Variants in DOCK2 observed in about 807,000 individuals in gnomAD.
DOCK2 encodes dedicator of cytokinesis 2.
DOCK2 carries 87 observed loss-of-function variants against 248.9 expected under a neutral mutation model. The observed-to-expected ratio is 0.35, with a 90% confidence interval of 0.29 to 0.42. The LOEUF (loss-of-function observed/expected upper bound fraction) is 0.42, where lower values mean the gene tolerates loss of function less well. DOCK2 is among the 10% of genes least tolerant of loss of function. The pLI, the probability that DOCK2 is intolerant of heterozygous loss-of-function variation, is 1.00. For missense variants in DOCK2, 1,747 were observed against 2,300.2 expected (o/e 0.76, Z 4.92); for synonymous variants, 805 against 821.6 (o/e 0.98, Z 0.35).
chr5:169,757,279 G>C (rs1421245216), intron 23 of DOCK2, among the ~76,000 whole-genome samples: 1 of 152,010 alleles, frequency 6.6e-6, no homozygotes, highest in South Asian at 2.1e-4. Flanking sequence ...TGACCAACTA[G>C]GTTGGAATGT....
At chr5:169,666,411 G>A (rs1224289803) in intron 2 of DOCK2, among the ~76,000 whole-genome samples, 2 of 152,110 alleles carry the variant, frequency 1.3e-5, no homozygotes, top group South Asian at 2.1e-4. Flanking sequence ...TCATGAAAAC[G>A]GTTAGCAAAA....
intron 41 of DOCK2, among the ~76,000 whole-genome samples, chr5:170,054,723 CAG>C (rs1757054046): frequency 6.6e-6 from 1 of 152,180 alleles, no homozygotes; most frequent in South Asian, 2.1e-4. Flanking sequence ...TCAGATAGTC[CAG>C]AGTCTCCACT....
At chr5:169,951,894 C>T (rs1177245811) in intron 27 of DOCK2, among the ~76,000 whole-genome samples, 1 of 152,178 alleles carries the variant, frequency 6.6e-6, no homozygotes, top group African/African-American at 2.4e-5. Context: ...GACACCAGAA[C>T]CAGAGCCCCA....
At chr5:169,900,610 G>A (rs1773870094) in intron 27 of DOCK2, among the ~76,000 whole-genome samples, 1 of 152,174 alleles carries the variant, frequency 6.6e-6, no homozygotes, top group South Asian at 2.1e-4. Context: ...AATATTAAGA[G>A]TATTGACTCC....
chr5:170,034,501 T>C lies in DOCK2; in HGVS notation c.3570T>C (p.Gly1190=), dbSNP rs1253833419. Residue 1190 remains glycine, a synonymous_variant, in exon 35 of 52, where the codon GGT becomes GGC. Transcript: ENST00000520908. ...GLLEKLLDYR[G]VMTDESKDNR... ...TGGAGAAGCTGCTGGATTACCGGGG[T>C]GTGATGACAGATGAGAGCAAAGACA... The C allele has an allele frequency of 6.2e-7, 1 of 1,614,008 alleles. No individual in the cohort carries two copies. The highest frequency in any genetic ancestry group is 8.5e-7 in the Non-Finnish European group (1 of 1,179,980).
chr5:169,926,746 G>A lies in DOCK2; in HGVS notation c.2800-56322G>A, dbSNP rs141622911. On this transcript the variant is annotated intron_variant, in intron 27 of 51. Coordinates refer to ENST00000520908, the MANE Select transcript of DOCK2 (RefSeq NM_004946.3). Reference sequence around the variant, plus strand: ...AAGGCTTGTGACTCTGTAACTAGAGGTGAAGTTTGGCTGGATGCATTCATT... The same window carrying A: ...AAGGCTTGTGACTCTGTAACTAGAGATGAAGTTTGGCTGGATGCATTCATT... 1.9e-3 allele frequency among the ~76,000 whole-genome samples: 294 copies of A among 152,324 alleles called. 2 individuals are homozygous for A. The highest frequency in any genetic ancestry group is 6.9e-3 in the African/African-American group (287 of 41,562).
chr5:169,748,521 T>C (rs1024879339), intron 23 of DOCK2, among the ~76,000 whole-genome samples: 3 of 152,202 alleles, frequency 2.0e-5, no homozygotes, highest in Non-Finnish European at 4.4e-5. Context: ...GATGGCTTCC[T>C]TTAATTTAAC....
intron 22 of DOCK2, among the ~76,000 whole-genome samples, chr5:169,741,987 A>T (rs556315466): frequency 2.6e-4 from 40 of 151,236 alleles, no homozygotes; most frequent in African/African-American, 6.8e-4. Flanking sequence ...TTTTTTAAAT[A>T]TTTTTTTTAT....
At chr5:169,720,958 G>A (rs1411370766) in intron 22 of DOCK2, among the ~76,000 whole-genome samples, 11 of 152,172 alleles carry the variant, frequency 7.2e-5, no homozygotes, top group African/African-American at 2.7e-4. Context: ...TCCTGATCTC[G>A]TGATCTGCCC....
At position 169,918,806 on chromosome 5, in the gene DOCK2, G is replaced by A. The variant is rs186072863; in HGVS notation, c.2800-64262G>A. On this transcript the variant is annotated intron_variant, in intron 27 of 51. Transcript: ENST00000520908. ...CAGGTACCAGTAATCCCAGCTACTCGGGAGGCTGAGGCAGGAGGATTGCTT... is the reference window on the plus strand; with the variant it reads ...CAGGTACCAGTAATCCCAGCTACTCAGGAGGCTGAGGCAGGAGGATTGCTT... Among the ~76,000 whole-genome samples, 310 of 152,232 alleles carry A rather than the reference G, an allele frequency of 2.0e-3. 1 individual carries two copies. The highest frequency in any genetic ancestry group is 7.0e-3 in the African/African-American group (292 of 41,534).
intron 9 of DOCK2, among the ~76,000 whole-genome samples, chr5:169,691,370 CA>C (rs1760289257): frequency 2.0e-5 from 3 of 152,106 alleles, no homozygotes; most frequent in Admixed American, 6.5e-5. Context: ...CAGACCATAT[CA>C]GGGGGCAAGG....
At chr5:169,751,533 G>T (rs538513398) in intron 23 of DOCK2, among the ~76,000 whole-genome samples, 1 of 152,138 alleles carries the variant, frequency 6.6e-6, no homozygotes, top group East Asian at 1.9e-4. Flanking sequence ...GCTGGGTAGC[G>T]GCTTATGTTG....
At chr5:169,877,064 G>A (rs1362434275) in intron 27 of DOCK2, among the ~76,000 whole-genome samples, 2 of 152,180 alleles carry the variant, frequency 1.3e-5, no homozygotes, top group Non-Finnish European at 2.9e-5. Context: ...TGGATTGTGA[G>A]GTTGTCCAGA....
intron 22 of DOCK2, among the ~76,000 whole-genome samples, chr5:169,741,954 C>G (rs1323571058): frequency 6.6e-6 from 1 of 151,902 alleles, no homozygotes; most frequent in African/African-American, 2.4e-5. Flanking sequence ...AGACTACAGG[C>G]GCCCACCACC....
At chr5:169,938,568 C>T (rs1776093979) in intron 27 of DOCK2, among the ~76,000 whole-genome samples, 1 of 152,186 alleles carries the variant, frequency 6.6e-6, no homozygotes, top group South Asian at 2.1e-4. Context: ...AAATGGTCCA[C>T]CTGTACAGGA....
chr5:169,725,075 G>T (rs569706894), intron 22 of DOCK2, among the ~76,000 whole-genome samples: 16 of 152,270 alleles, frequency 1.1e-4, no homozygotes, highest in African/African-American at 3.9e-4. Flanking sequence ...TGTTTATGCC[G>T]AGCATGAGCT....
At position 169,736,571 on chromosome 5, in the gene DOCK2, C is replaced by T. The variant is rs550828138; in HGVS notation, c.2268-10825C>T. Among the ~76,000 whole-genome samples, 8 of 152,300 alleles carry T rather than the reference C, an allele frequency of 5.3e-5. No individual in the cohort carries two copies. In the South Asian group the frequency reaches 1.7e-3, roughly 32 times the overall value. The stretch of plus-strand genomic sequence containing the variant: ...TGCATGCCCAGATTTTCTACCTGGG[C>T]TTTTGTCATGGTGTTCCCACTTTGG... On this transcript the variant is annotated intron_variant, in intron 22 of 51. Transcript: ENST00000520908.
chr5:170,028,686 A>G (rs754377164), intron 34 of DOCK2: 1 of 152,160 alleles, frequency 6.6e-6, no homozygotes, highest in Non-Finnish European at 1.5e-5. Flanking sequence ...CAATTTTACA[A>G]CATTTTCATT....
chr5:169,640,481 A>C (rs1581361033), intron 1 of DOCK2, among the ~76,000 whole-genome samples: 1 of 152,346 alleles, frequency 6.6e-6, no homozygotes, highest in East Asian at 1.9e-4. Flanking sequence ...GAAAACAAAC[A>C]AGTTTATTAG....
Sources: allele counts gnomAD v4.1 joint callset (sites outside exome capture counted in the v4.1 genomes callset), GRCh38; gene constraint gnomAD v4.1.1; transcripts MANE v1.5; gene names NCBI Gene and HGNC (gene_info 2026-07-23, HGNC 2026-07-21).